The following HABP2 variants were observed in gnomAD, a reference collection of about 807,000 sequenced individuals.
HABP2 encodes the protein factor VII-activating protease.
In HABP2, 65 loss-of-function variants were observed where a neutral mutation model predicts 66.5. The ratio of observed to expected loss-of-function variants is 0.98; its 90% CI spans 0.80 to 1.20. The LOEUF is 1.20. Ranked by LOEUF, HABP2 falls within the 50% of genes most tolerant of loss-of-function variation. The probability of loss-of-function intolerance (pLI) is 0.00; values close to 1 mark genes in which losing one functional copy is unlikely to be tolerated. For synonymous variants in HABP2, 263 were observed against 253.9 expected (o/e 1.04, Z -0.34); for missense variants, 786 against 691.0 (o/e 1.14, Z -1.54).
Position 113,582,137 on chromosome 10 carries a change from TGCC to T in HABP2, c.1094+9_1094+11del, listed in dbSNP as rs560154215. 5.5e-5 allele frequency: 88 copies of T among 1,598,482 alleles called. No individual in the cohort carries two copies. Among genetic ancestry groups the T allele is most frequent in the Admixed American group, 5.3e-4 (31 of 57,984 alleles). Reference sequence around the variant, plus strand: ...ACTGCTGCCCACTGCACCGAGTAGGTGCCGCTGGGAGCAGGGACCAGGGTGGCT... The same window carrying T: ...ACTGCTGCCCACTGCACCGAGTAGGTGCTGGGAGCAGGGACCAGGGTGGCT... On this transcript the variant is annotated splice_region_variant and intron_variant, in intron 9 of 12. Coordinates refer to ENST00000351270, the MANE Select transcript of HABP2 (RefSeq NM_004132.5).
rs1347883043 is a variant in HABP2, at chr10:113,564,640, T to G, written c.70-2849T>G. Among the ~76,000 whole-genome samples the G allele has an allele frequency of 3.3e-5, 5 of 152,036 alleles. No homozygotes were observed. In the East Asian group the frequency reaches 9.6e-4, roughly 29 times the overall value. On this transcript the variant is annotated intron_variant, in intron 1 of 12. Coordinates refer to ENST00000351270, the MANE Select transcript of HABP2 (RefSeq NM_004132.5). The stretch of plus-strand genomic sequence containing the variant: ...TTGCATTCCTTTCCCCTCACCAACA[T>G]GTTATTTTGTAATTTTTTAAACCTA...
intron 8 of HABP2, among the ~76,000 whole-genome samples, chr10:113,581,214 C>T (rs1845523117): frequency 6.6e-6 from 1 of 152,220 alleles, no homozygotes; most frequent in Non-Finnish European, 1.5e-5. Context: ...CTGTCTATAA[C>T]ATACCATCCC....
intron 10 of HABP2, among the ~76,000 whole-genome samples, chr10:113,583,601 G>A (rs1251697790): frequency 6.6e-6 from 1 of 152,214 alleles, no homozygotes; most frequent in African/African-American, 2.4e-5. Context: ...TATGGAATAG[G>A]CTTGGCCTGG....
intron 11 of HABP2, among the ~76,000 whole-genome samples, chr10:113,585,589 A>T (rs1845618126): frequency 6.6e-6 from 1 of 152,172 alleles, no homozygotes; most frequent in Admixed American, 6.5e-5. Context: ...TATCTGGTCC[A>T]TGTATCATGA....
Position 113,577,204 on chromosome 10 carries a change from A to G in HABP2, c.386A>G (p.Gln129Arg), listed in dbSNP as rs758233436. ...PCGRGQCLIT[Q>R]SPPYYRCVCK... ...GGCCGGGGCCAATGTCTCATTACCC[A>G]GAGTCCTCCCTACTACCGCTGTGTC... The change falls in exon 5 of 13, where the codon CAG (glutamine) becomes CGG (arginine). Residue 129 changes from glutamine (Q) to arginine (R), a missense_variant. By Grantham distance (43) the Gln-to-Arg change is conservative. Coordinates refer to ENST00000351270, the MANE Select transcript of HABP2 (RefSeq NM_004132.5). 1.2e-6 allele frequency: 2 copies of G among 1,613,558 alleles called. No individual in the cohort carries two copies. The highest frequency in any genetic ancestry group is 2.2e-5 in the South Asian group (2 of 91,070).
At chr10:113,587,404 T>G (rs977656887) in intron 12 of HABP2, among the ~76,000 whole-genome samples, 13 of 152,170 alleles carry the variant, frequency 8.5e-5, no homozygotes, top group Non-Finnish European at 1.9e-4. Context: ...TGGAAACAAA[T>G]AGTTGTGAAT....
intron 8 of HABP2, 103 bp downstream of exon 8, chr10:113,580,795 A>C: frequency 1.5e-6 from 1 of 662,946 alleles, no homozygotes; most frequent in Non-Finnish European, 2.7e-6. Flanking sequence ...TTCTTCCTCC[A>C]CACCTGCTTT....
intron 1 of HABP2, among the ~76,000 whole-genome samples, chr10:113,562,628 A>G (rs1029232995): frequency 6.6e-6 from 1 of 152,104 alleles, no homozygotes; most frequent in Non-Finnish European, 1.5e-5. Flanking sequence ...TATTTTTAGT[A>G]GAGATGGGGT....
Position 113,578,694 on chromosome 10 carries a change from G to C in HABP2, c.636G>C (p.Gln212His). The change falls in exon 7 of 13, where the codon CAG becomes CAC. Residue 212 changes from glutamine to histidine, a missense_variant. Physicochemically the swap from Gln to His is conservative, Grantham distance 24. Transcript: ENST00000351270. ...GGAAAATGAATAGGACAGTCAACCAGCATGCGTGCCTTTACTGGAACTCCC... is the reference window on the plus strand; with the variant it reads ...GGAAAATGAATAGGACAGTCAACCACCATGCGTGCCTTTACTGGAACTCCC... ...YRGKMNRTVNQHACLYWNSHL... is the reference protein window; with the variant it reads ...YRGKMNRTVNHHACLYWNSHL... 6.2e-7 allele frequency: 1 copy of C among 1,610,040 alleles called. No individual in the cohort carries two copies. Among genetic ancestry groups the C allele is most frequent in the Non-Finnish European group, 8.5e-7 (1 of 1,176,310 alleles).
intron 1 of HABP2, among the ~76,000 whole-genome samples, chr10:113,566,251 T>C (rs1042632025): frequency 6.6e-6 from 1 of 152,232 alleles, no homozygotes; most frequent in Non-Finnish European, 1.5e-5. Flanking sequence ...TAGTAAATGT[T>C]TGGGGTTATA....
chr10:113,583,854 C>G (rs544014311), intron 10 of HABP2, among the ~76,000 whole-genome samples: 6 of 152,318 alleles, frequency 3.9e-5, no homozygotes, highest in Admixed American at 1.3e-4. Context: ...GACACCCCCC[C>G]ACCTCTCTCT....
At chr10:113,562,402 C>G (rs1391058160) in intron 1 of HABP2, among the ~76,000 whole-genome samples, 1 of 151,082 alleles carries the variant, frequency 6.6e-6, no homozygotes, top group Non-Finnish European at 1.5e-5. Context: ...CAAGTAGGCC[C>G]TCTCTGTGGC....
intron 10 of HABP2, 31 bp from the exon 11 acceptor site, chr10:113,584,117 G>A (rs749309152): frequency 1.2e-5 from 20 of 1,604,342 alleles, no homozygotes; most frequent in African/African-American, 4.0e-5. Context: ...AGGTGACATC[G>A]CATCCATTTT....
intron 1 of HABP2, among the ~76,000 whole-genome samples, chr10:113,562,333 G>A (rs1025099526): frequency 6.6e-6 from 1 of 152,112 alleles, no homozygotes; most frequent in African/African-American, 2.4e-5. Context: ...TGTGTTTACC[G>A]CAGTAGGCTG....
chr10:113,556,977 A>G (rs1845008872), intron 1 of HABP2, among the ~76,000 whole-genome samples: 1 of 151,972 alleles, frequency 6.6e-6, no homozygotes. Context: ...CTCTTGACCA[A>G]TGTGCATTGT....
rs569201705 is a variant in HABP2 at position 113,568,655 on chromosome 10, A to G, written c.106+1130A>G. Among the ~76,000 whole-genome samples, 3 of 152,300 alleles carry G rather than the reference A, an allele frequency of 2.0e-5. No homozygotes were observed. The South Asian group carries it at 6.2e-4, about 32-fold the overall frequency. On this transcript the variant is annotated intron_variant, in intron 2 of 12. Coordinates refer to ENST00000351270, the MANE Select transcript of HABP2 (RefSeq NM_004132.5). ...TCAGAGAGTTATCCCCTAGCTGATG[A>G]ACACACCACCACCCACACGTGGAGT...
intron 2 of HABP2, among the ~76,000 whole-genome samples, chr10:113,571,701 T>C (rs1389032140): frequency 2.6e-5 from 4 of 152,108 alleles, no homozygotes; most frequent in African/African-American, 9.7e-5. Context: ...AGGCCTAGAC[T>C]TGGTCACTTC....
chr10:113,556,534 C>A (rs1464121502), intron 1 of HABP2, among the ~76,000 whole-genome samples: 1 of 151,938 alleles, frequency 6.6e-6, no homozygotes, highest in Admixed American at 6.6e-5. Context: ...CATAGCAAGA[C>A]TCTGTCTCTA....
intron 2 of HABP2, 99 bp downstream of exon 2, chr10:113,567,624 G>A: frequency 1.2e-6 from 1 of 862,236 alleles, no homozygotes; most frequent in East Asian, 2.5e-5. Context: ...AGGGACCTCA[G>A]GGTTCAACTG....
Sources: gnomAD v4.1 joint callset for allele counts (sites outside exome capture counted in the v4.1 genomes callset) on GRCh38, gnomAD v4.1.1 for gene constraint, MANE v1.5 for transcripts, NCBI Gene and HGNC (gene_info 2026-07-23, HGNC 2026-07-21) for gene names.